The following SPAG16 variants were observed in gnomAD, a reference collection of about 807,000 sequenced individuals.
SPAG16 encodes the protein sperm associated antigen 16, also known as sperm-associated antigen 16 protein.
A neutral mutation model predicts 80.4 loss-of-function variants in SPAG16; 86 were observed. The ratio of observed to expected loss-of-function variants is 1.07; its 90% CI spans 0.90 to 1.28. The LOEUF is 1.28. Among genes scored for constraint, SPAG16 ranks in the 50% most tolerant of loss-of-function variants. The pLI, the probability that SPAG16 is intolerant of heterozygous loss-of-function variation, is 0.00. For missense variants in SPAG16, 870 were observed against 765.3 expected, an observed-to-expected ratio of 1.14 and a Z score of -1.61; for synonymous variants, 294 against 265.9, an observed-to-expected ratio of 1.11 and a Z score of -1.03.
intron 10 of SPAG16, among the ~76,000 whole-genome samples, chr2:213,572,613 G>C (rs371468169): frequency 1.3e-5 from 2 of 151,668 alleles, no homozygotes; most frequent in African/African-American, 4.9e-5. Context: ...CTCCAGCTGC[G>C]TGCTGGGAGA....
chr2:213,624,843 T>G (rs1012979050), intron 10 of SPAG16, among the ~76,000 whole-genome samples: 1 of 152,108 alleles, frequency 6.6e-6, no homozygotes, highest in African/African-American at 2.4e-5. Flanking sequence ...CAGGCTGGAG[T>G]GCAATGGCGT....
At chr2:213,410,548 A>G (rs2068910146) in intron 9 of SPAG16, among the ~76,000 whole-genome samples, 1 of 152,188 alleles carries the variant, frequency 6.6e-6, no homozygotes, top group Non-Finnish European at 1.5e-5. Flanking sequence ...GATGGACTGC[A>G]AAGATGGACT....
chr2:213,765,382 C>G (rs1417442332), intron 10 of SPAG16, among the ~76,000 whole-genome samples: 2 of 151,710 alleles, frequency 1.3e-5, no homozygotes. Context: ...CAAATCAAAA[C>G]AAAACAAAAA....
intron 15 of SPAG16, among the ~76,000 whole-genome samples, chr2:214,237,772 C>T (rs1056366333): frequency 1.3e-5 from 2 of 151,856 alleles, no homozygotes; most frequent in South Asian, 4.2e-4. Flanking sequence ...AGTATACACA[C>T]AAGGTAAAAT....
intron 7 of SPAG16, among the ~76,000 whole-genome samples, chr2:213,351,781 ACAT>A (rs367666538): frequency 3.3e-5 from 5 of 152,216 alleles, no homozygotes; most frequent in African/African-American, 1.2e-4. Context: ...AAAATGCAAA[ACAT>A]CATTGTCTTG....
chr2:213,510,280 A>T (rs1271714726), intron 10 of SPAG16, among the ~76,000 whole-genome samples: 1 of 152,166 alleles, frequency 6.6e-6, no homozygotes, highest in Non-Finnish European at 1.5e-5. Flanking sequence ...CCATAGCAAA[A>T]GGACATAGCT....
chr2:214,108,501 G>A (rs984537295), intron 14 of SPAG16, among the ~76,000 whole-genome samples: 13 of 144,856 alleles, frequency 9.0e-5, no homozygotes, highest in African/African-American at 2.6e-4. Context: ...ACCCCAAGTC[G>A]TAGCAGGAGT....
At chr2:213,388,542 G>C (rs146472714) in intron 9 of SPAG16, among the ~76,000 whole-genome samples, 1 of 152,096 alleles carries the variant, frequency 6.6e-6, no homozygotes, top group Admixed American at 6.5e-5. Flanking sequence ...ACTGATCCTT[G>C]ACCAGAGACA....
At chr2:214,161,356 T>C (rs1186841259) in intron 15 of SPAG16, among the ~76,000 whole-genome samples, 1 of 152,186 alleles carries the variant, frequency 6.6e-6, no homozygotes, top group Non-Finnish European at 1.5e-5. Flanking sequence ...TTTCAGGTTC[T>C]GGATCTCTGA....
intron 12 of SPAG16, among the ~76,000 whole-genome samples, chr2:213,990,799 A>G (rs1162306390): frequency 6.6e-6 from 1 of 152,050 alleles, no homozygotes; most frequent in Non-Finnish European, 1.5e-5. Context: ...GTTCCAGTGT[A>G]TGTTTGCTCA....
chr2:213,933,672 G>C (rs1559604365), intron 12 of SPAG16, among the ~76,000 whole-genome samples: 1 of 152,168 alleles, frequency 6.6e-6, no homozygotes, highest in Admixed American at 6.5e-5. Context: ...GAAACAGAGG[G>C]ACTTGCAAAA....
At chr2:213,670,738 A>G (rs759314101) in intron 10 of SPAG16, among the ~76,000 whole-genome samples, 18 of 152,162 alleles carry the variant, frequency 1.2e-4, no homozygotes, top group Non-Finnish European at 2.2e-4. Context: ...CAAATATAAA[A>G]CTGCTCTCTT....
intron 12 of SPAG16, among the ~76,000 whole-genome samples, chr2:213,939,191 TA>T (rs1249115966): frequency 1.3e-5 from 2 of 152,204 alleles, no homozygotes; most frequent in Non-Finnish European, 2.9e-5. Flanking sequence ...TAAAAATCAC[TA>T]CTACTTAGAA....
chr2:213,631,260 A>G lies in SPAG16; in HGVS notation c.1070+141170A>G, dbSNP rs117633650. ...CAATAAATTCATTTCAAAACAAACA[A>G]ACAAACAAACCATGGACTATGTAGT... On this transcript the variant is annotated intron_variant, in intron 10 of 15. Coordinates refer to ENST00000331683, the MANE Select transcript of SPAG16 (RefSeq NM_024532.5). Among the ~76,000 whole-genome samples, 171 of 152,278 alleles carry G rather than the reference A, an allele frequency of 1.1e-3. No homozygotes were observed. In the East Asian group the frequency reaches 0.031, roughly 28 times the overall value.
intron 9 of SPAG16, among the ~76,000 whole-genome samples, chr2:213,459,274 A>ATTG (rs575093805): frequency 6.6e-6 from 1 of 151,908 alleles, no homozygotes; most frequent in South Asian, 2.1e-4. Flanking sequence ...TCATATGCCT[A>ATTG]TTGTTGTTGT....
At chr2:213,529,366 C>A (rs1282185217) in intron 10 of SPAG16, among the ~76,000 whole-genome samples, 1 of 152,116 alleles carries the variant, frequency 6.6e-6, no homozygotes, top group Non-Finnish European at 1.5e-5. Flanking sequence ...TTAAACCCTG[C>A]ATTATGGCTG....
At chr2:213,339,600 A>T (rs1345415440) in intron 5 of SPAG16, among the ~76,000 whole-genome samples, 1 of 152,146 alleles carries the variant, frequency 6.6e-6, no homozygotes, top group Non-Finnish European at 1.5e-5. Flanking sequence ...GATATTGAAG[A>T]CCATTCTCAT....
At chr2:213,417,203 C>G (rs1371038055) in intron 9 of SPAG16, among the ~76,000 whole-genome samples, 1 of 151,490 alleles carries the variant, frequency 6.6e-6, no homozygotes, top group Non-Finnish European at 1.5e-5. Context: ...TAGAAAAGTA[C>G]AGACACACAC....
chr2:213,967,373 C>T lies in SPAG16; in HGVS notation c.1400+37228C>T, dbSNP rs909939078. 5.3e-5 allele frequency among the ~76,000 whole-genome samples: 8 copies of T among 152,126 alleles called. 1 individual carries two copies. The highest frequency in any genetic ancestry group is 3.4e-3 in the Middle Eastern group (1 of 294). ...TCACTTTGAATTTTGCTCAATAACA[C>T]CCCTCAAATTCAACAAAGCTAAATC... On this transcript the variant is annotated intron_variant, in intron 12 of 15. Transcript: ENST00000331683.
Sources: gnomAD v4.1 joint callset for allele counts (sites outside exome capture counted in the v4.1 genomes callset) on GRCh38, gnomAD v4.1.1 for gene constraint, MANE v1.5 for transcripts, NCBI Gene and HGNC (gene_info 2026-07-23, HGNC 2026-07-21) for gene names.